The following MYO16 variants were observed in gnomAD, a reference collection of about 807,000 sequenced individuals.
The protein encoded by MYO16 is unconventional myosin-XVI.
In MYO16, 94 loss-of-function variants were observed where a neutral mutation model predicts 205.3. The ratio of observed to expected loss-of-function variants is 0.46; its 90% confidence interval spans 0.39 to 0.54. MYO16 has a LOEUF of 0.54. Ranked by LOEUF, MYO16 falls within the 20% of genes least tolerant of loss-of-function variation. The probability of loss-of-function intolerance (pLI) is 0.00; values close to 1 mark genes in which losing one functional copy is unlikely to be tolerated. For missense variants in MYO16, 2,315 were observed against 2,387.5 expected (o/e 0.97, Z 0.63); for synonymous variants, 988 against 954.0 (o/e 1.04, Z -0.66).
chr13:109,186,287 C>T (rs1196060427), intron 34 of MYO16, among the ~76,000 whole-genome samples: 1 of 152,158 alleles, frequency 6.6e-6, no homozygotes, highest in Admixed American at 6.5e-5. Flanking sequence ...TGGCAGGGAG[C>T]AAGCTCAGGA....
At chr13:109,128,761 T>A (rs1876386331) in intron 31 of MYO16, among the ~76,000 whole-genome samples, 1 of 149,026 alleles carries the variant, frequency 6.7e-6, no homozygotes, top group Non-Finnish European at 1.5e-5. Flanking sequence ...TAGTGTCCAC[T>A]TTTTTAGTTT....
chr13:108,746,182 G>T (rs1193482177), intron 4 of MYO16, among the ~76,000 whole-genome samples: 1 of 152,016 alleles, frequency 6.6e-6, no homozygotes, highest in Non-Finnish European at 1.5e-5. Flanking sequence ...TACGGAGCGA[G>T]ACTCCATCTC....
the MYO16 span, among the ~76,000 whole-genome samples, chr13:108,562,498 G>T: frequency 1.3e-5 from 2 of 152,274 alleles, no homozygotes; most frequent in Non-Finnish European, 2.9e-5. Flanking sequence ...TTGGATGCAG[G>T]TTTTAAGGAT....
intron 21 of MYO16, among the ~76,000 whole-genome samples, chr13:108,999,530 C>T (rs1885144644): frequency 6.6e-6 from 1 of 152,160 alleles, no homozygotes; most frequent in South Asian, 2.1e-4. Flanking sequence ...ATACCTCTTA[C>T]AATCATATTG....
chr13:109,022,589 TTC>T (rs1421435609), intron 23 of MYO16, among the ~76,000 whole-genome samples: 1 of 135,892 alleles, frequency 7.4e-6, no homozygotes, highest in Non-Finnish European at 1.5e-5. Context: ...ATGTATATAT[TTC>T]TATATTCTAT....
intron 9 of MYO16, among the ~76,000 whole-genome samples, chr13:108,833,382 G>GA (rs923699144): frequency 3.3e-5 from 5 of 151,248 alleles, no homozygotes; most frequent in Non-Finnish European, 5.9e-5. Flanking sequence ...TATAGAAGCA[G>GA]AAAAAAAACA....
At chr13:109,204,143 G>A (rs1354127000) in intron 34 of MYO16, among the ~76,000 whole-genome samples, 1 of 151,966 alleles carries the variant, frequency 6.6e-6, no homozygotes, top group Non-Finnish European at 1.5e-5. Flanking sequence ...ACTCTTTTTT[G>A]AAATTTTTAC....
intron 3 of MYO16, among the ~76,000 whole-genome samples, chr13:108,719,266 G>A (rs1178167877): frequency 1.3e-5 from 2 of 151,938 alleles, no homozygotes; most frequent in African/African-American, 2.4e-5. Flanking sequence ...ATCTTTCCTG[G>A]AGAAACTAGA....
intron 23 of MYO16, among the ~76,000 whole-genome samples, chr13:109,027,613 C>A (rs1886407365): frequency 6.6e-6 from 1 of 151,826 alleles, no homozygotes; most frequent in Admixed American, 6.6e-5. Context: ...TTACTCTGTG[C>A]CTTTGAGGAG....
the MYO16 span, among the ~76,000 whole-genome samples, chr13:108,551,506 C>A: frequency 6.6e-6 from 1 of 152,126 alleles, no homozygotes; most frequent in African/African-American, 2.4e-5. Flanking sequence ...CTGGTTTAGC[C>A]TTCTTCTATT....
chr13:108,703,620 G>A (rs1883391088), intron 2 of MYO16, among the ~76,000 whole-genome samples: 2 of 152,086 alleles, frequency 1.3e-5, no homozygotes, highest in Admixed American at 6.5e-5. Flanking sequence ...AAGGGTGCAT[G>A]AAACATTCTC....
the MYO16 span, among the ~76,000 whole-genome samples, chr13:108,543,617 G>C: frequency 2.7e-5 from 4 of 145,908 alleles, no homozygotes; most frequent in African/African-American, 1.0e-4. Context: ...ACTCCAGCCT[G>C]GGCGACAGAG....
intron 33 of MYO16, among the ~76,000 whole-genome samples, chr13:109,173,766 G>A (rs1012465125): frequency 6.6e-6 from 1 of 151,282 alleles, no homozygotes; most frequent in African/African-American, 2.4e-5. Context: ...GTGGTGGTGG[G>A]CGCCTGTAGT....
rs1323955944 is a variant in MYO16 at position 108,972,369 on chromosome 13, T to C, written c.2369+7467T>C. ...ATATAGCCATATATATATATATATA[T>C]ATATATATATATATATATATATATA... On this transcript the variant is annotated intron_variant, in intron 20 of 34. Coordinates refer to ENST00000457511, the MANE Select transcript of MYO16 (RefSeq NM_001198950.3). Among the ~76,000 whole-genome samples, 8 of 41,276 alleles carry C rather than the reference T, an allele frequency of 1.9e-4. 1 individual carries two copies. The highest frequency in any genetic ancestry group is 1.0e-3 in the African/African-American group (8 of 7,746). The allele number at this position is 41,276 out of a possible 152,430, so 27.1% of individuals were successfully genotyped here.
At chr13:109,121,846 A>G (rs568249281) in intron 29 of MYO16, among the ~76,000 whole-genome samples, 2 of 152,342 alleles carry the variant, frequency 1.3e-5, no homozygotes, top group African/African-American at 4.8e-5. Context: ...ACCTCTTGGT[A>G]AAGGAGGCAT....
chr13:108,772,360 A>AAAAAG (rs111731215), intron 4 of MYO16, among the ~76,000 whole-genome samples: 17,337 of 151,728 alleles, frequency 0.11, 1,189 homozygotes, highest in African/African-American at 0.19. Flanking sequence ...AAAAGAAAGA[A>AAAAAG]AAAAGAAAAG....
At chr13:109,033,431 C>T (rs1435463193) in intron 23 of MYO16, among the ~76,000 whole-genome samples, 2 of 152,170 alleles carry the variant, frequency 1.3e-5, no homozygotes, top group African/African-American at 2.4e-5. Flanking sequence ...TCAAGAGCTC[C>T]ATTATCTTTC....
chr13:108,590,176 C>T, the MYO16 span, among the ~76,000 whole-genome samples: 1 of 152,172 alleles, frequency 6.6e-6, no homozygotes, highest in African/African-American at 2.4e-5. Flanking sequence ...GATTAAATTG[C>T]CAGTATATTT....
intron 7 of MYO16, among the ~76,000 whole-genome samples, chr13:108,808,363 G>A (rs2116250): frequency 0.64 from 96,149 of 150,412 alleles, 32,536 homozygotes; most frequent in East Asian, 0.77. Context: ...CCAGGCTATA[G>A]TGCAGTGGTG....
Sources: allele counts gnomAD v4.1 joint callset (sites outside exome capture counted in the v4.1 genomes callset), GRCh38; gene constraint gnomAD v4.1.1; transcripts MANE v1.5; gene names NCBI Gene and HGNC (gene_info 2026-07-23, HGNC 2026-07-21).